CSN3: variants seen among roughly 807,000 people sequenced by gnomAD.
CSN3 encodes the protein kappa-casein.
CSN3 carries 7 observed loss-of-function variants against 9.9 expected under a neutral mutation model. The observed-to-expected ratio is 0.71, with a 90% CI of 0.40 to 1.33. The LOEUF (loss-of-function observed/expected upper bound fraction) is 1.33, where lower values mean the gene tolerates loss of function less well. Ranked by LOEUF, CSN3 falls within the 40% of genes most tolerant of loss-of-function variation. The pLI is 0.01. For missense variants in CSN3, 253 were observed against 227.9 expected, an observed-to-expected ratio of 1.11 and a Z score of -0.71; for synonymous variants, 88 against 82.3, an observed-to-expected ratio of 1.07 and a Z score of -0.37.
At chr4:70,249,341 C>G in exon 4 of CSN3, 3 of 1,613,946 alleles carry the variant, frequency 1.9e-6, no homozygotes, top group Middle Eastern at 1.6e-4. Context: ...GAACCTACAC[C>G]AGCTCCTGCC....
upstream of CSN3, among the ~76,000 whole-genome samples, chr4:70,241,178 A>G (rs959650148): frequency 3.3e-5 from 5 of 152,008 alleles, no homozygotes; most frequent in African/African-American, 1.2e-4. Context: ...TGATCTTTCA[A>G]CCACGGACCC....
upstream of CSN3, among the ~76,000 whole-genome samples, chr4:70,241,108 T>G (rs1730262184): frequency 6.6e-6 from 1 of 152,046 alleles, no homozygotes; most frequent in Non-Finnish European, 1.5e-5. Flanking sequence ...TCTAAATAAA[T>G]GGCTGAGAAA....
intron 3 of CSN3, 81 bp downstream of exon 3, chr4:70,247,931 T>C: frequency 2.0e-6 from 2 of 1,010,310 alleles, no homozygotes; most frequent in Non-Finnish European, 2.9e-6. Flanking sequence ...TATAGATGCC[T>C]TCTGTCTAAA....
At chr4:70,249,354 T>C (rs1261036984) in exon 4 of CSN3, 1 of 1,614,060 alleles carries the variant, frequency 6.2e-7, no homozygotes, top group Admixed American at 1.7e-5. Context: ...CTCCTGCCAC[T>C]GAACCAACGG....
intron 3 of CSN3, among the ~76,000 whole-genome samples, chr4:70,248,076 T>C (rs1223412498): frequency 6.6e-6 from 1 of 152,196 alleles, no homozygotes; most frequent in Non-Finnish European, 1.5e-5. Context: ...CATGTATCTT[T>C]GGTTTTCATG....
chr4:70,243,588 CT>C (rs1251836320), intron 1 of CSN3, among the ~76,000 whole-genome samples: 4 of 151,994 alleles, frequency 2.6e-5, no homozygotes, highest in African/African-American at 9.7e-5. Context: ...TTCTGTGAAT[CT>C]TTTTTGCGAA....
At position 70,249,419 on chromosome 4, in the gene CSN3, C is replaced by G. The variant is rs1730443151; in HGVS notation, c.509C>G (p.Pro170Arg). 6.2e-7 allele frequency: 1 copy of G among 1,613,976 alleles called. No individual in the cohort carries two copies. Among genetic ancestry groups the G allele is most frequent in the Non-Finnish European group, 8.5e-7 (1 of 1,179,954 alleles). Residue 170 changes from proline (P) to arginine (R), a missense_variant, in exon 4 of 5, where the codon CCT (proline) becomes CGT (arginine). Physicochemically the swap from Pro to Arg is moderately radical, Grantham distance 103. Transcript: ENST00000304954. ...TCAGAGTCCATCATCACGAGCACCC[C>G]TGAGACAACCACAGTTGCAGTTACT...
intron 2 of CSN3, among the ~76,000 whole-genome samples, chr4:70,245,746 A>G (rs1376536152): frequency 2.0e-5 from 3 of 152,084 alleles, no homozygotes; most frequent in Non-Finnish European, 4.4e-5. Flanking sequence ...GTTGCTTTTA[A>G]GTTAACATCT....
upstream of CSN3, among the ~76,000 whole-genome samples, chr4:70,240,097 C>T (rs1325373257): frequency 6.6e-6 from 1 of 151,838 alleles, no homozygotes; most frequent in Non-Finnish European, 1.5e-5. Flanking sequence ...AATAAAACTA[C>T]ATGGATGTAA....
upstream of CSN3, among the ~76,000 whole-genome samples, chr4:70,239,774 G>T (rs905046310): frequency 6.6e-6 from 1 of 151,982 alleles, no homozygotes; most frequent in Non-Finnish European, 1.5e-5. Flanking sequence ...TTGTTTAACA[G>T]AAGTGGCTAC....
chr4:70,241,883 A>T (rs4362892), upstream of CSN3, among the ~76,000 whole-genome samples: 17,241 of 152,076 alleles, frequency 0.11, 1,296 homozygotes, highest in East Asian at 0.27. Flanking sequence ...ATTCCCCACT[A>T]TATACTGATT....
intron 1 of CSN3, among the ~76,000 whole-genome samples, chr4:70,244,237 T>C (rs1312275777): frequency 1.3e-5 from 2 of 152,110 alleles, no homozygotes; most frequent in East Asian, 3.9e-4. Context: ...GTCTACTTTT[T>C]CTGCTCTAAA....
chr4:70,249,626 GT>G, intron 4 of CSN3, 133 bp downstream of exon 4: 1 of 614,824 alleles, frequency 1.6e-6, no homozygotes, highest in Non-Finnish European at 2.8e-6. Flanking sequence ...GGTACTTACA[GT>G]TTTACCTTGG....
intron 2 of CSN3, among the ~76,000 whole-genome samples, chr4:70,245,265 G>A (rs62308381): frequency 0.11 from 17,272 of 152,114 alleles, 1,297 homozygotes; most frequent in East Asian, 0.27. Flanking sequence ...TTAAGTTCCT[G>A]TCTCACCCAG....
intron 1 of CSN3, among the ~76,000 whole-genome samples, chr4:70,244,405 T>G (rs1484304772): frequency 6.6e-6 from 1 of 152,074 alleles, no homozygotes; most frequent in African/African-American, 2.4e-5. Context: ...ACACAAAGAC[T>G]GCTGCTTCTC....
At chr4:70,247,639 G>A (rs1730405949) in intron 2 of CSN3, among the ~76,000 whole-genome samples, 179 bp from the exon 3 acceptor site, 1 of 151,914 alleles carries the variant, frequency 6.6e-6, no homozygotes, top group African/African-American at 2.4e-5. Context: ...TAATCAGTTA[G>A]ACTACTGTTG....
chr4:70,249,610 A>C, intron 4 of CSN3, 117 bp downstream of exon 4: 1 of 669,990 alleles, frequency 1.5e-6, no homozygotes, highest in Non-Finnish European at 2.5e-6. Flanking sequence ...GAAGCAGACA[A>C]AACAGGGTAC....
intron 2 of CSN3, 49 bp downstream of exon 2, chr4:70,244,922 G>A (rs13103289): frequency 0.38 from 446,993 of 1,189,010 alleles, 85,215 homozygotes; most frequent in Non-Finnish European, 0.39. Context: ...AGAAAATTTT[G>A]TTTAAGGGCT....
chr4:70,239,805 T>C (rs576058316), upstream of CSN3, among the ~76,000 whole-genome samples: 119 of 152,016 alleles, frequency 7.8e-4, no homozygotes, highest in Admixed American at 6.6e-4. Flanking sequence ...AATTTTGATA[T>C]TCCACTTTGC....
Sources: allele counts gnomAD v4.1 joint callset (sites outside exome capture counted in the v4.1 genomes callset), GRCh38; gene constraint gnomAD v4.1.1; transcripts MANE v1.5; gene names NCBI Gene and HGNC (gene_info 2026-07-23, HGNC 2026-07-21).